Variants in AFG2A observed in about 807,000 individuals in gnomAD.
AFG2A encodes the protein ATPase family gene 2 protein homolog A.
the AFG2A span, among the ~76,000 whole-genome samples, chr4:123,169,274 C>A: frequency 6.6e-6 from 1 of 152,044 alleles, no homozygotes; most frequent in African/African-American, 2.4e-5. Context: ...TTAGTAAATT[C>A]TTAGTAAATT....
the AFG2A span, among the ~76,000 whole-genome samples, chr4:123,074,656 A>G: frequency 6.6e-6 from 1 of 151,918 alleles, no homozygotes; most frequent in Admixed American, 6.6e-5. Flanking sequence ...CTTTTTAAAA[A>G]TTTTGCTGTA....
the AFG2A span, among the ~76,000 whole-genome samples, chr4:123,222,758 T>A: frequency 6.6e-6 from 1 of 152,198 alleles, no homozygotes; most frequent in Non-Finnish European, 1.5e-5. Context: ...TTTATCTATT[T>A]TAGATACCTC....
the AFG2A span, among the ~76,000 whole-genome samples, chr4:123,175,549 C>G: frequency 6.6e-6 from 1 of 152,186 alleles, no homozygotes; most frequent in Non-Finnish European, 1.5e-5. Context: ...GGTTGAAATG[C>G]AGGCTGACAC....
chr4:122,998,417 C>T, the AFG2A span, among the ~76,000 whole-genome samples: 4 of 151,848 alleles, frequency 2.6e-5, no homozygotes, highest in South Asian at 2.1e-4. Flanking sequence ...CCCATTAACT[C>T]GTCATTTAGC....
the AFG2A span, among the ~76,000 whole-genome samples, chr4:123,194,440 T>C: frequency 7.2e-5 from 11 of 152,180 alleles, no homozygotes; most frequent in Non-Finnish European, 1.3e-4. Context: ...TGGATGACCT[T>C]GGACTAGAGA....
At chr4:123,108,734 G>A in the AFG2A span, among the ~76,000 whole-genome samples, 1 of 152,070 alleles carries the variant, frequency 6.6e-6, no homozygotes, top group Middle Eastern at 3.2e-3. Context: ...TTCTATCTAA[G>A]TAGAAAGTTG....
chr4:122,977,213 G>T, the AFG2A span, among the ~76,000 whole-genome samples: 1 of 152,292 alleles, frequency 6.6e-6, no homozygotes, highest in African/African-American at 2.4e-5. Context: ...ATATCCTCGG[G>T]CCCACTGGGC....
chr4:122,991,204 T>A, the AFG2A span, among the ~76,000 whole-genome samples: 1 of 152,202 alleles, frequency 6.6e-6, no homozygotes, highest in Non-Finnish European at 1.5e-5. Context: ...AGAAATGGAA[T>A]CAGTTTTTGC....
chr4:122,972,591 C>T, the AFG2A span, among the ~76,000 whole-genome samples: 1 of 151,068 alleles, frequency 6.6e-6, no homozygotes, highest in African/African-American at 2.4e-5. Context: ...TTCAGTACTG[C>T]AGTAGCAGCA....
chr4:122,959,724 T>G, the AFG2A span, among the ~76,000 whole-genome samples: 1 of 152,262 alleles, frequency 6.6e-6, no homozygotes, highest in African/African-American at 2.4e-5. Flanking sequence ...AGTGTTTGTG[T>G]AGATTGTACA....
At chr4:122,956,690 G>A in the AFG2A span, among the ~76,000 whole-genome samples, 77 of 152,254 alleles carry the variant, frequency 5.1e-4, 1 homozygote, top group African/African-American at 1.8e-3. Context: ...GAGTGCAGTG[G>A]CGTGATCTCG....
At chr4:123,171,345 T>C in the AFG2A span, among the ~76,000 whole-genome samples, 1 of 152,122 alleles carries the variant, frequency 6.6e-6, no homozygotes, top group Non-Finnish European at 1.5e-5. Context: ...AAATATACAT[T>C]TGTTCTATGT....
the AFG2A span, among the ~76,000 whole-genome samples, chr4:123,157,974 T>TA: frequency 6.6e-6 from 1 of 152,158 alleles, no homozygotes; most frequent in Non-Finnish European, 1.5e-5. Flanking sequence ...TTGTTCCCCA[T>TA]ACGCACATAT....
chr4:123,234,925 C>G, the AFG2A span, among the ~76,000 whole-genome samples: 1 of 152,234 alleles, frequency 6.6e-6, no homozygotes, highest in African/African-American at 2.4e-5. Flanking sequence ...ACCTCGCCTT[C>G]CGGGCTGTTG....
chr4:123,115,904 T>A, the AFG2A span, among the ~76,000 whole-genome samples: 21,845 of 152,016 alleles, frequency 0.14, 2,074 homozygotes, highest in East Asian at 0.45. Flanking sequence ...GGGACATTTT[T>A]TAAAAAATTT....
chr4:122,978,828 T>A, the AFG2A span, among the ~76,000 whole-genome samples: 3 of 152,244 alleles, frequency 2.0e-5, no homozygotes, highest in Non-Finnish European at 4.4e-5. Flanking sequence ...TGACAGTGGC[T>A]TGGCTCAGCC....
chr4:123,271,575 G>A, the AFG2A span, among the ~76,000 whole-genome samples: 1 of 152,174 alleles, frequency 6.6e-6, no homozygotes, highest in Non-Finnish European at 1.5e-5. Context: ...CTTGTTCGGT[G>A]ATTCTGCCTG....
At chr4:123,189,770 G>A in the AFG2A span, among the ~76,000 whole-genome samples, 2 of 140,188 alleles carry the variant, frequency 1.4e-5, no homozygotes, top group African/African-American at 5.3e-5. Flanking sequence ...AGTTTAGTCT[G>A]AGTTAATTTT....
the AFG2A span, among the ~76,000 whole-genome samples, chr4:123,214,043 CTA>C: frequency 2.0e-5 from 3 of 152,002 alleles, no homozygotes; most frequent in Admixed American, 6.6e-5. Context: ...TTTATAGAAG[CTA>C]TGTGGAATAA....
Sources: allele counts gnomAD v4.1 joint callset (sites outside exome capture counted in the v4.1 genomes callset), GRCh38; gene constraint gnomAD v4.1.1; transcripts MANE v1.5; gene names NCBI Gene and HGNC (gene_info 2026-07-23, HGNC 2026-07-21).